The following COL11A1 variants were observed in gnomAD, a reference collection of about 807,000 sequenced individuals.
COL11A1 encodes collagen type XI alpha 1 chain.
COL11A1 carries 74 observed loss-of-function variants against 265.2 expected under a neutral mutation model. The ratio of observed to expected loss-of-function variants is 0.28; its 90% confidence interval spans 0.23 to 0.34. COL11A1 has a LOEUF of 0.34. Among genes scored for constraint, COL11A1 ranks in the 10% least tolerant of loss-of-function variants. The pLI is 1.00. For synonymous variants in COL11A1, 816 were observed against 727.6 expected, an observed-to-expected ratio of 1.12 and a Z score of -1.96; for missense variants, 2,165 against 2,263.6, an observed-to-expected ratio of 0.96 and a Z score of 0.88.
At chr1:103,084,022 C>T (rs1672654406) in intron 1 of COL11A1, among the ~76,000 whole-genome samples, 1 of 152,118 alleles carries the variant, frequency 6.6e-6, no homozygotes, top group Non-Finnish European at 1.5e-5. Context: ...ACATACCATA[C>T]AAAACACCCA....
chr1:103,107,267 A>T (rs1320054322), intron 1 of COL11A1, among the ~76,000 whole-genome samples: 4 of 146,308 alleles, frequency 2.7e-5, no homozygotes, highest in Non-Finnish European at 6.0e-5. Flanking sequence ...CTCCCACCCT[A>T]CCCACACCCC....
intron 48 of COL11A1, 71 bp from the exon 49 acceptor site, chr1:102,920,435 A>G: frequency 7.5e-7 from 1 of 1,338,338 alleles, no homozygotes; most frequent in South Asian, 1.2e-5. Flanking sequence ...ACATATGTCT[A>G]GTTGTTCTCA....
chr1:103,015,597 G>A, intron 12 of COL11A1, 71 bp downstream of exon 12: 2 of 1,168,642 alleles, frequency 1.7e-6, no homozygotes, highest in Non-Finnish European at 2.5e-6. Flanking sequence ...CTTCAATATG[G>A]TTCAACAATA....
At chr1:102,963,033 T>G (rs914217350) in intron 38 of COL11A1, among the ~76,000 whole-genome samples, 2 of 152,208 alleles carry the variant, frequency 1.3e-5, no homozygotes, top group African/African-American at 4.8e-5. Flanking sequence ...TACAATAATT[T>G]CTGCAGAGTG....
chr1:103,011,886 G>A (rs1666160114), intron 14 of COL11A1, among the ~76,000 whole-genome samples: 1 of 151,922 alleles, frequency 6.6e-6, no homozygotes, highest in Non-Finnish European at 1.5e-5. Flanking sequence ...ACGCTAGTGA[G>A]AAAAAAATAA....
chr1:103,070,239 T>TAATAATAATAAA (rs1671475318), intron 4 of COL11A1, among the ~76,000 whole-genome samples: 1 of 148,686 alleles, frequency 6.7e-6, no homozygotes, highest in South Asian at 2.1e-4. Context: ...ATAATAATAA[T>TAATAATAATAAA]ATTAAATACA....
rs1650496598 is a variant in COL11A1, at chr1:102,883,311, C to T, written c.4859G>A (p.Gly1620Asp). The change falls in exon 64 of 67, where the codon GGT (glycine) becomes GAT (aspartate). Residue 1620 changes from glycine to aspartate, a missense_variant and splice_region_variant. Transcript: ENST00000370096. ...TTGGTTAGGATCAATCCAATATTCA[C>T]CTAGAAGGTAGCAAAAAATATGTCA... The part of the protein sequence containing the change: ...LQLSHPDFPD[G>D]EYWIDPNQGC... The T allele has an allele frequency of 2.5e-6, 4 of 1,599,246 alleles. No homozygotes were observed. The highest frequency in any genetic ancestry group is 1.3e-5 in the African/African-American group (1 of 74,488).
chr1:102,960,042 G>A (rs1470923149), intron 41 of COL11A1, among the ~76,000 whole-genome samples: 1 of 152,026 alleles, frequency 6.6e-6, no homozygotes, highest in African/African-American at 2.4e-5. Context: ...GTCTTATTAA[G>A]TTGTTGTTGC....
chr1:102,974,471 A>C (rs1662274037), intron 36 of COL11A1, among the ~76,000 whole-genome samples: 1 of 152,172 alleles, frequency 6.6e-6, no homozygotes. Context: ...GAAGAAGGTT[A>C]TTTTGATGAT....
chr1:102,916,933 GA>G (rs1360181807), intron 49 of COL11A1, among the ~76,000 whole-genome samples: 2 of 151,814 alleles, frequency 1.3e-5, no homozygotes, highest in Non-Finnish European at 2.9e-5. Flanking sequence ...TCTTAAAAAT[GA>G]AACAAGTAGT....
At chr1:103,074,540 T>C in intron 4 of COL11A1, 78 bp downstream of exon 4, 2 of 1,530,732 alleles carry the variant, frequency 1.3e-6, no homozygotes, top group South Asian at 1.1e-5. Context: ...CGTATTGCTA[T>C]AAAGCGATAT....
At chr1:103,034,156 G>A (rs563171330) in intron 4 of COL11A1, among the ~76,000 whole-genome samples, 1 of 152,132 alleles carries the variant, frequency 6.6e-6, no homozygotes, top group Non-Finnish European at 1.5e-5. Context: ...GTTTTTTGAT[G>A]TTTGATTATG....
intron 4 of COL11A1, among the ~76,000 whole-genome samples, chr1:103,048,476 T>C (rs1019833001): frequency 6.7e-6 from 1 of 149,654 alleles, no homozygotes. Flanking sequence ...TTATTGCGTC[T>C]ATTCTTCTCT....
At chr1:103,039,130 C>CA (rs1305103490) in intron 4 of COL11A1, among the ~76,000 whole-genome samples, 1 of 152,174 alleles carries the variant, frequency 6.6e-6, no homozygotes, top group Non-Finnish European at 1.5e-5. Context: ...TCACTTAAGA[C>CA]AGTGACTTTT....
At chr1:103,089,242 G>T (rs1673113018) in intron 1 of COL11A1, among the ~76,000 whole-genome samples, 1 of 152,062 alleles carries the variant, frequency 6.6e-6, no homozygotes, top group Non-Finnish European at 1.5e-5. Context: ...GTGCAGCCAG[G>T]GTTGAAACTC....
At chr1:102,973,869 TTTAA>T (rs1166454064) in intron 36 of COL11A1, among the ~76,000 whole-genome samples, 7 of 152,246 alleles carry the variant, frequency 4.6e-5, no homozygotes, top group Admixed American at 1.3e-4. Flanking sequence ...ATATTTGATG[TTTAA>T]TTATTTCAAA....
intron 31 of COL11A1, among the ~76,000 whole-genome samples, chr1:102,980,575 T>C (rs1378503343): frequency 6.6e-6 from 1 of 152,116 alleles, no homozygotes; most frequent in Non-Finnish European, 1.5e-5. Context: ...TCTGTGAGAA[T>C]ACTAGACATC....
Position 103,099,739 on chromosome 1 carries a change from A to G in COL11A1, c.106+8334T>C, listed in dbSNP as rs556044257. On this transcript the variant is annotated intron_variant, in intron 1 of 66. Coordinates refer to ENST00000370096, the MANE Select transcript of COL11A1 (RefSeq NM_001854.4). ...ATTAACAAAACAAAGTTTTGGAGGT[A>G]ATATAGTCACTCTGTAGCTACAAAT... 4.6e-5 allele frequency among the ~76,000 whole-genome samples: 7 copies of G among 152,034 alleles called. No individual in the cohort carries two copies. In the South Asian group the frequency reaches 1.4e-3, roughly 31 times the overall value.
At chr1:102,927,016 G>A (rs1343693739) in intron 46 of COL11A1, among the ~76,000 whole-genome samples, 1 of 152,016 alleles carries the variant, frequency 6.6e-6, no homozygotes, top group Non-Finnish European at 1.5e-5. Flanking sequence ...CTTGTTATCT[G>A]ATAAACATTT....
Sources: allele counts gnomAD v4.1 joint callset (sites outside exome capture counted in the v4.1 genomes callset), GRCh38; gene constraint gnomAD v4.1.1; transcripts MANE v1.5; gene names NCBI Gene and HGNC (gene_info 2026-07-23, HGNC 2026-07-21).